AKR1C4: variants seen among roughly 807,000 people sequenced by gnomAD.
AKR1C4 encodes 3-alpha-HSD1.
In AKR1C4, 44 loss-of-function variants were observed where a neutral mutation model predicts 41.0. The ratio of observed to expected loss-of-function variants is 1.07; its 90% CI spans 0.84 to 1.38. The LOEUF is 1.38. Ranked by LOEUF, AKR1C4 falls within the 40% of genes most tolerant of loss-of-function variation. The probability of loss-of-function intolerance (pLI) is 0.00; values close to 1 mark genes in which losing one functional copy is unlikely to be tolerated. For synonymous variants in AKR1C4, 165 were observed against 137.7 expected, an observed-to-expected ratio of 1.20 and a Z score of -1.39; for missense variants, 438 against 387.9, an observed-to-expected ratio of 1.13 and a Z score of -1.09.
intron 7 of AKR1C4, among the ~76,000 whole-genome samples, chr10:5,216,004 A>G (rs1301199294): frequency 2.0e-5 from 3 of 152,242 alleles, no homozygotes; most frequent in African/African-American, 7.2e-5. Flanking sequence ...CCGAGGCCAG[A>G]TAAAATATGC....
intron 1 of AKR1C4, among the ~76,000 whole-genome samples, chr10:5,199,384 G>C: frequency 6.6e-6 from 1 of 152,080 alleles, no homozygotes; most frequent in East Asian, 1.9e-4. Flanking sequence ...CCCTGGCTAC[G>C]GCTCCACCGC....
intron 7 of AKR1C4, 63 bp from the exon 8 acceptor site, chr10:5,216,648 C>T: frequency 1.6e-6 from 2 of 1,256,664 alleles, no homozygotes; most frequent in Non-Finnish European, 2.3e-6. Context: ...GTGTGATATA[C>T]TTGGCTATTC....
chr10:5,202,582 CCA>C, intron 2 of AKR1C4: 1 of 374,852 alleles, frequency 2.7e-6, no homozygotes, highest in South Asian at 2.1e-5. Context: ...TTGTCTTATT[CCA>C]GTTTTCAGGG....
Position 5,213,155 on chromosome 10 carries a change from T to A in AKR1C4, c.842T>A (p.Ile281Asn). Residue 281 changes from isoleucine to asparagine, a missense_variant, in exon 7 of 9, where the codon ATC (isoleucine) becomes AAC (asparagine). Physicochemically the swap from Ile to Asn is moderately radical, Grantham distance 149. Coordinates refer to ENST00000263126, the MANE Select transcript of AKR1C4 (RefSeq NM_001818.5). ...SYNEQRIREN[I>N]QVFEFQLTSE... ...AATGAGCAGCGGATCAGAGAGAACA[T>A]CCAGGTGAGGAGTTGGGTGGGCATC... is the stretch of plus-strand genomic sequence containing the variant. The A allele has an allele frequency of 6.2e-7, 1 of 1,613,354 alleles. No individual in the cohort carries two copies. The highest frequency in any genetic ancestry group is 8.5e-7 in the Non-Finnish European group (1 of 1,179,998).
chr10:5,204,603 A>G (rs1554797264), intron 3 of AKR1C4, 110 bp downstream of exon 3: 2 of 874,656 alleles, frequency 2.3e-6, no homozygotes, highest in East Asian at 2.4e-5. Context: ...ACATGGCAGA[A>G]GAGTCCTAAG....
chr10:5,197,631 G>T (rs1832331172), intron 1 of AKR1C4, among the ~76,000 whole-genome samples: 1 of 152,220 alleles, frequency 6.6e-6, no homozygotes, highest in African/African-American at 2.4e-5. Context: ...CTCTGACACG[G>T]AAGTGGGCAA....
intron 5 of AKR1C4, among the ~76,000 whole-genome samples, chr10:5,210,675 T>A (rs2104997): frequency 3.3e-5 from 5 of 151,400 alleles, no homozygotes; most frequent in Middle Eastern, 3.4e-3. Flanking sequence ...GCAATGGCGC[T>A]ATCTCAGCTC....
intron 5 of AKR1C4, among the ~76,000 whole-genome samples, chr10:5,208,519 A>G (rs560280736): frequency 2.6e-5 from 4 of 151,720 alleles, no homozygotes; most frequent in African/African-American, 9.8e-5. Flanking sequence ...ATATAGGCAT[A>G]TATGAGTATA....
intron 3 of AKR1C4, 149 bp from the exon 4 acceptor site, chr10:5,205,608 C>G (rs1245252311): frequency 6.0e-6 from 3 of 503,666 alleles, no homozygotes; most frequent in African/African-American, 4.0e-5. Flanking sequence ...TTCCTTAAAA[C>G]TCTGTACGTG....
At chr10:5,212,494 T>C (rs2132137154) in intron 5 of AKR1C4, 122 bp from the exon 6 acceptor site, 2 of 902,322 alleles carry the variant, frequency 2.2e-6, no homozygotes, top group Non-Finnish European at 1.6e-6. Flanking sequence ...ATAAAATGAT[T>C]GTTACTTGAC....
chr10:5,204,339 G>C (rs1433724616), intron 2 of AKR1C4, 38 bp from the exon 3 acceptor site: 7 of 1,460,132 alleles, frequency 4.8e-6, no homozygotes, highest in African/African-American at 1.4e-5. Context: ...ACTAGCTCAT[G>C]TTTTTATTCA....
At chr10:5,211,243 T>G (rs1184532846) in intron 5 of AKR1C4, among the ~76,000 whole-genome samples, 4 of 152,270 alleles carry the variant, frequency 2.6e-5, no homozygotes, top group Non-Finnish European at 5.9e-5. Context: ...TTGTTACTTA[T>G]GCAAATTTCT....
chr10:5,203,517 T>C (rs1832434641), intron 2 of AKR1C4, among the ~76,000 whole-genome samples: 1 of 152,200 alleles, frequency 6.6e-6, no homozygotes, highest in African/African-American at 2.4e-5. Context: ...ATTCTCAGAT[T>C]CCCTGGTGGG....
intron 2 of AKR1C4, among the ~76,000 whole-genome samples, chr10:5,202,982 T>TGTGA (rs57995068): frequency 6.8e-6 from 1 of 146,008 alleles, no homozygotes; most frequent in Non-Finnish European, 1.5e-5. Context: ...TGTGTGTGTG[T>TGTGA]TATGTCCTTT....
At chr10:5,214,199 G>A (rs551427412) in intron 7 of AKR1C4, among the ~76,000 whole-genome samples, 11 of 152,132 alleles carry the variant, frequency 7.2e-5, no homozygotes, top group African/African-American at 1.7e-4. Flanking sequence ...GTCCTACTAA[G>A]AATTATTGAA....
At chr10:5,204,753 C>G in intron 3 of AKR1C4, 1 of 544,316 alleles carries the variant, frequency 1.8e-6, no homozygotes, top group Non-Finnish European at 3.4e-6. Flanking sequence ...AAGGCTCTGT[C>G]TTAATTAGGG....
intron 7 of AKR1C4, among the ~76,000 whole-genome samples, chr10:5,215,896 G>C (rs1832649538): frequency 6.6e-6 from 1 of 152,084 alleles, no homozygotes; most frequent in Non-Finnish European, 1.5e-5. Context: ...TAATTATCCA[G>C]TTCTAAAGCC....
chr10:5,200,647 A>G (rs1313284786), intron 2 of AKR1C4, among the ~76,000 whole-genome samples: 2 of 152,120 alleles, frequency 1.3e-5, no homozygotes, highest in African/African-American at 4.8e-5. Context: ...GTACAAGTGG[A>G]TTTTGGTTAC....
At chr10:5,211,220 A>G (rs1036806148) in intron 5 of AKR1C4, among the ~76,000 whole-genome samples, 2 of 152,260 alleles carry the variant, frequency 1.3e-5, no homozygotes, top group Non-Finnish European at 2.9e-5. Flanking sequence ...CTTGGTGATT[A>G]ACATTTGGCT....
Sources: allele counts gnomAD v4.1 joint callset (sites outside exome capture counted in the v4.1 genomes callset), GRCh38; gene constraint gnomAD v4.1.1; transcripts MANE v1.5; gene names NCBI Gene and HGNC (gene_info 2026-07-23, HGNC 2026-07-21).